Variants in OSBPL3 observed in about 807,000 individuals in gnomAD.
OSBPL3 encodes the protein oxysterol binding protein like 3.
OSBPL3 carries 65 observed loss-of-function variants against 120.1 expected under a neutral mutation model. The observed-to-expected ratio is 0.54, with a 90% CI of 0.44 to 0.67. The LOEUF (loss-of-function observed/expected upper bound fraction) is 0.67. Ranked by LOEUF, OSBPL3 falls within the 30% of genes least tolerant of loss-of-function variation. The probability of loss-of-function intolerance (pLI) is 0.00; values close to 1 mark genes in which losing one functional copy is unlikely to be tolerated. For missense variants in OSBPL3, 1,004 were observed against 1,082.1 expected (o/e 0.93, Z 1.01); for synonymous variants, 416 against 402.6 (o/e 1.03, Z -0.40).
Position 24,815,246 on chromosome 7 carries a change from C to T in OSBPL3, c.2028-43G>A. On this transcript the variant is annotated intron_variant, in intron 18 of 22. Coordinates refer to ENST00000313367, the MANE Select transcript of OSBPL3 (RefSeq NM_015550.4). The surrounding 1 kb of genome is among the most constrained non-coding windows in gnomAD (Gnocchi z 5.1). ...GTAGAAGTACCAATTTCTAGAAGAG[C>T]CAGCAGCAAATGCAAACAAACTCTG... 6.4e-7 allele frequency: 1 copy of T among 1,550,990 alleles called. No individual in the cohort carries two copies.
rs1362023546 is a variant in OSBPL3 at position 24,830,137 on chromosome 7, A to G, written c.1884+631T>C. ...CTGTCTGAAGCCTGAGTATTACTCT[A>G]TGCTACTTCTATGGCAAGAGTGTGA... On this transcript the variant is annotated intron_variant, in intron 16 of 22. Coordinates refer to ENST00000313367, the MANE Select transcript of OSBPL3 (RefSeq NM_015550.4). This position sits in a 1 kb window ranked among gnomAD's most constrained non-coding sequence, Gnocchi z 4.4. 2.0e-5 allele frequency among the ~76,000 whole-genome samples: 3 copies of G among 152,188 alleles called. No homozygotes were observed. The highest frequency in any genetic ancestry group is 4.4e-5 in the Non-Finnish European group (3 of 68,042).
chr7:24,847,055 G>A (rs1215226547), intron 12 of OSBPL3, among the ~76,000 whole-genome samples: 1 of 83,698 alleles, frequency 1.2e-5, no homozygotes, highest in Non-Finnish European at 2.1e-5. Flanking sequence ...GCGAGACTCT[G>A]TCTCAAAAAA....
Position 24,871,759 on chromosome 7 carries a change from C to T in OSBPL3, c.250G>A (p.Ala84Thr). The T allele has an allele frequency of 1.2e-6, 2 of 1,613,096 alleles. No individual in the cohort carries two copies. Among genetic ancestry groups the T allele is most frequent in the Non-Finnish European group, 8.5e-7 (1 of 1,179,114 alleles). ...FYLDKGILKY[A>T]KSQTDIEREK... is the part of the protein sequence containing the mutation. Reference sequence around the variant, plus strand: ...AGACTTACATCGGTTTGGCTCTTGGCATATTTCAAGATTCCTTTGTCCAGA... The same window carrying T: ...AGACTTACATCGGTTTGGCTCTTGGTATATTTCAAGATTCCTTTGTCCAGA... Residue 84 changes from alanine (A) to threonine (T), a missense_variant, in exon 4 of 23, where the codon GCC (alanine) becomes ACC (threonine). Around this residue, in one of 4 missense-constraint regions of OSBPL3, gnomAD observed 255 missense variants for 248.7 expected, o/e 1.03. Coordinates refer to ENST00000313367, the MANE Select transcript of OSBPL3 (RefSeq NM_015550.4). This position sits in a 1 kb window ranked among gnomAD's most constrained non-coding sequence, Gnocchi z 4.8.
chr7:24,891,697 A>G lies in OSBPL3; in HGVS notation c.96+680T>C, dbSNP rs574532113. On this transcript the variant is annotated intron_variant, in intron 2 of 22. Transcript: ENST00000313367. The surrounding 1 kb of genome is among the most constrained non-coding windows in gnomAD (Gnocchi z 4.1). ...CAAATTCTGCCAACAAAGATTTATT[A>G]GAAAGGAAACCAAGAAACAATATAT... Among the ~76,000 whole-genome samples, 297 of 152,380 alleles carry G rather than the reference A, an allele frequency of 1.9e-3. 1 individual carries two copies. The highest frequency in any genetic ancestry group is 6.7e-3 in the African/African-American group (279 of 41,586).
At chr7:24,869,054 C>T (rs1195040379) in intron 5 of OSBPL3, among the ~76,000 whole-genome samples, 2 of 152,160 alleles carry the variant, frequency 1.3e-5, no homozygotes. Context: ...TTAAAAACTG[C>T]CTGACTGAGT....
At chr7:24,814,832 C>T (rs893419922) in intron 19 of OSBPL3, among the ~76,000 whole-genome samples, 2 of 152,264 alleles carry the variant, frequency 1.3e-5, no homozygotes, top group Non-Finnish European at 2.9e-5. Context: ...TTAAAAGGGT[C>T]TCTCTGGCTG....
Position 24,802,919 on chromosome 7 carries a change from G to A in OSBPL3, c.2567+1396C>T, listed in dbSNP as rs963402095. 6.6e-6 allele frequency among the ~76,000 whole-genome samples: 1 copy of A among 151,818 alleles called. No homozygotes were observed. The highest frequency in any genetic ancestry group is 2.4e-5 in the African/African-American group (1 of 41,292). The stretch of plus-strand genomic sequence containing the variant: ...AACATTTCCATCTTATTCTTTAAAC[G>A]TTTAAATGAAGCTTGAATATTTCAG... On this transcript the variant is annotated intron_variant, in intron 22 of 22. Transcript: ENST00000313367. This position sits in a 1 kb window ranked among gnomAD's most constrained non-coding sequence, Gnocchi z 4.1.
chr7:24,870,386 C>T (rs1241803802), intron 5 of OSBPL3, among the ~76,000 whole-genome samples: 1 of 152,170 alleles, frequency 6.6e-6, no homozygotes, highest in Non-Finnish European at 1.5e-5. Context: ...ATATATATTT[C>T]AGGAACACGT....
intron 1 of OSBPL3, among the ~76,000 whole-genome samples, chr7:24,962,087 G>A (rs964097625): frequency 6.6e-6 from 1 of 151,998 alleles, no homozygotes; most frequent in African/African-American, 2.4e-5. Context: ...TGGATCACTT[G>A]AGGTCAGGAG....
At chr7:24,865,654 G>A (rs6461823) in intron 6 of OSBPL3, among the ~76,000 whole-genome samples, 189 bp from the exon 7 acceptor site, 3,723 of 152,254 alleles carry the variant, frequency 0.024, 90 homozygotes, top group African/African-American at 0.063. Context: ...GCTATGATAC[G>A]ACATGCCTTG....
At chr7:24,874,613 G>A (rs1046329350) in intron 2 of OSBPL3, among the ~76,000 whole-genome samples, 1 of 151,924 alleles carries the variant, frequency 6.6e-6, no homozygotes, top group African/African-American at 2.4e-5. Flanking sequence ...ACCAAGAAGG[G>A]CAGGGAATTA....
chr7:24,899,849 G>A lies in OSBPL3; in HGVS notation c.-149-7228C>T, dbSNP rs930341601. 6.6e-6 allele frequency among the ~76,000 whole-genome samples: 1 copy of A among 152,204 alleles called. No individual in the cohort carries two copies. Among genetic ancestry groups the A allele is most frequent in the African/African-American group, 2.4e-5 (1 of 41,454 alleles). ...ATGCAGATTTTGCTCCACTTTAGAT[G>A]AGTTGAATCAGAATTTCTATCTAGA... On this transcript the variant is annotated intron_variant, in intron 1 of 22. Transcript: ENST00000313367. This position sits in a 1 kb window ranked among gnomAD's most constrained non-coding sequence, Gnocchi z 4.0.
intron 1 of OSBPL3, among the ~76,000 whole-genome samples, chr7:24,944,634 A>C (rs947159230): frequency 6.6e-6 from 1 of 152,084 alleles, no homozygotes; most frequent in African/African-American, 2.4e-5. Context: ...CAAAAAAAAA[A>C]AAATGCCATG....
At position 24,863,489 on chromosome 7, in the gene OSBPL3, G is replaced by C; in HGVS notation, c.777+7C>G. 3 of 1,606,350 alleles carry C rather than the reference G, an allele frequency of 1.9e-6. No individual in the cohort carries two copies. The highest frequency in any genetic ancestry group is 2.6e-6 in the Non-Finnish European group (3 of 1,172,940). On this transcript the variant is annotated splice_region_variant and intron_variant, in intron 8 of 22. Transcript: ENST00000313367. This position sits in a 1 kb window ranked among gnomAD's most constrained non-coding sequence, Gnocchi z 5.8. ...CAGAATGTCAACAGAAGAGGAGTCCGGCTCACCTGGATGGCGTTGATAGCT... is the reference window on the plus strand; with the variant it reads ...CAGAATGTCAACAGAAGAGGAGTCCCGCTCACCTGGATGGCGTTGATAGCT...
chr7:24,840,755 T>C lies in OSBPL3; in HGVS notation c.1430A>G (p.Asp477Gly), dbSNP rs1479839186. Residue 477 changes from aspartate to glycine, a missense_variant, in exon 14 of 23, where the codon GAC becomes GGC. Asp to Gly is a moderately conservative substitution (Grantham distance 94, BLOSUM62 -1). Transcript: ENST00000313367. ...EISDDDSYVS[D>G]ISDNLSLDNL... ...ATCTAAGGAAAGATTATCACTTATG[T>C]CACTGACATATGAGTCATCATCAGA... is the stretch of plus-strand genomic sequence containing the variant. The C allele has an allele frequency of 1.4e-6, 2 of 1,466,354 alleles. No individual in the cohort carries two copies. Among genetic ancestry groups the C allele is most frequent in the Non-Finnish European group, 1.9e-6 (2 of 1,063,778 alleles). 90.8% of individuals were successfully genotyped at this position (1,466,354 alleles called of 1,614,324 possible).
chr7:24,909,032 C>T (rs60461068), intron 1 of OSBPL3, among the ~76,000 whole-genome samples: 4,173 of 152,272 alleles, frequency 0.027, 180 homozygotes, highest in African/African-American at 0.086. Context: ...ATCAAACATC[C>T]CCCTCAAGTT....
chr7:24,803,962 G>A lies in OSBPL3; in HGVS notation c.2567+353C>T, dbSNP rs1390241228. Among the ~76,000 whole-genome samples, 6 of 152,136 alleles carry A rather than the reference G, an allele frequency of 3.9e-5. No individual in the cohort carries two copies. The highest frequency in any genetic ancestry group is 1.4e-4 in the African/African-American group (6 of 41,426). On this transcript the variant is annotated intron_variant, in intron 22 of 22. Transcript: ENST00000313367. This position sits in a 1 kb window ranked among gnomAD's most constrained non-coding sequence, Gnocchi z 4.2. ...TCATGGTGTAAAACATGCCTATGGG[G>A]GTGACCAACCTTAGCTGTGGATTTA... is the stretch of plus-strand genomic sequence containing the variant.
At position 24,939,015 on chromosome 7, in the gene OSBPL3, T is replaced by TA. The variant is rs1311582397; in HGVS notation, c.-150+40870dup. ...TAGGAATCAGTGTAGAAATAAAGAT[T>TA]AAAGAATTTTTAGCACAGAGATATT... is the stretch of plus-strand genomic sequence containing the variant. On this transcript the variant is annotated intron_variant, in intron 1 of 22. Coordinates refer to ENST00000313367, the MANE Select transcript of OSBPL3 (RefSeq NM_015550.4). The surrounding 1 kb of genome is among the most constrained non-coding windows in gnomAD (Gnocchi z 4.2). Among the ~76,000 whole-genome samples the TA allele has an allele frequency of 6.6e-6, 1 of 151,978 alleles. No individual in the cohort carries two copies. Among genetic ancestry groups the TA allele is most frequent in the Non-Finnish European group, 1.5e-5 (1 of 67,998 alleles).
intron 1 of OSBPL3, among the ~76,000 whole-genome samples, chr7:24,969,684 AC>A (rs1249129532): frequency 6.6e-6 from 1 of 151,956 alleles, no homozygotes; most frequent in African/African-American, 2.4e-5. Flanking sequence ...TTCTCCCTCA[AC>A]CCTACTCCCA....
Sources: allele counts gnomAD v4.1 joint callset (sites outside exome capture counted in the v4.1 genomes callset), GRCh38; gene constraint gnomAD v4.1.1; regional missense constraint gnomAD v4.1.1; non-coding constraint Gnocchi (gnomAD v3.1); transcripts MANE v1.5; gene names NCBI Gene and HGNC (gene_info 2026-07-23, HGNC 2026-07-21).